Variants in DIP2C observed in about 807,000 individuals in gnomAD.
DIP2C encodes the protein disco-interacting protein 2 homolog C.
Under a neutral mutation model 192.4 loss-of-function variants are expected in DIP2C, and 33 were observed. The observed-to-expected ratio is 0.17, with a 90% confidence interval of 0.13 to 0.23. The LOEUF is 0.23. DIP2C is among the 10% of genes least tolerant of loss of function. The pLI, the probability that DIP2C is intolerant of heterozygous loss-of-function variation, is 1.00. For missense variants in DIP2C, 1,537 were observed against 2,110.1 expected, an observed-to-expected ratio of 0.73 and a Z score of 5.32; for synonymous variants, 979 against 864.1, an observed-to-expected ratio of 1.13 and a Z score of -2.33.
chr10:570,725 T>C (rs1177278902), intron 1 of DIP2C, among the ~76,000 whole-genome samples: 1 of 152,202 alleles, frequency 6.6e-6, no homozygotes, highest in Non-Finnish European at 1.5e-5. Context: ...GGAGGAAGCT[T>C]TGTAGATAAG....
intron 36 of DIP2C, among the ~76,000 whole-genome samples, chr10:278,417 CTTCTCCTG>C (rs1217928331): frequency 6.6e-6 from 1 of 151,980 alleles, no homozygotes; most frequent in Non-Finnish European, 1.5e-5. Context: ...GATATGGGGG[CTTCTCCTG>C]GCGTGCCTGT....
At chr10:373,570 G>A (rs1961233983) in intron 17 of DIP2C, among the ~76,000 whole-genome samples, 1 of 152,096 alleles carries the variant, frequency 6.6e-6, no homozygotes, top group Non-Finnish European at 1.5e-5. Context: ...AAAACCCCTT[G>A]TGGTCTTTGG....
At chr10:307,922 G>A (rs2132307907) in intron 32 of DIP2C, among the ~76,000 whole-genome samples, 1 of 150,402 alleles carries the variant, frequency 6.6e-6, no homozygotes, top group South Asian at 2.1e-4. Context: ...GCAGCAGGGA[G>A]GCTTTGGGGG....
chr10:406,869 G>A (rs1305676522), intron 9 of DIP2C, among the ~76,000 whole-genome samples: 1 of 152,032 alleles, frequency 6.6e-6, no homozygotes, highest in East Asian at 1.9e-4. Context: ...GCACTGGATG[G>A]AGCAGCTGAC....
At chr10:467,211 A>T (rs1172634862) in intron 3 of DIP2C, among the ~76,000 whole-genome samples, 2 of 152,196 alleles carry the variant, frequency 1.3e-5, no homozygotes, top group East Asian at 3.9e-4. Flanking sequence ...CCATAAAATG[A>T]TGAGTTCATG....
intron 29 of DIP2C, among the ~76,000 whole-genome samples, chr10:333,788 G>A (rs192959791): frequency 3.4e-4 from 52 of 152,284 alleles, no homozygotes; most frequent in African/African-American, 1.2e-3. Context: ...TGTAAGTTTT[G>A]AAGTCAGAAA....
At chr10:443,528 A>T (rs1045624768) in intron 3 of DIP2C, among the ~76,000 whole-genome samples, 24 of 152,108 alleles carry the variant, frequency 1.6e-4, no homozygotes, top group African/African-American at 5.8e-4. Context: ...GCTGCTGGGC[A>T]CTGCCAGCAA....
chr10:284,722 G>A (rs1224141097), intron 34 of DIP2C, among the ~76,000 whole-genome samples: 1 of 152,134 alleles, frequency 6.6e-6, no homozygotes, highest in Non-Finnish European at 1.5e-5. Flanking sequence ...TTTGATAACA[G>A]AATAGATCCT....
chr10:612,791 A>G (rs1853184868), intron 1 of DIP2C, among the ~76,000 whole-genome samples: 1 of 152,236 alleles, frequency 6.6e-6, no homozygotes, highest in Non-Finnish European at 1.5e-5. Flanking sequence ...GTCTCAAGAA[A>G]TGAGACAAAT....
intron 1 of DIP2C, among the ~76,000 whole-genome samples, chr10:555,425 A>G (rs957232601): frequency 3.9e-5 from 6 of 152,206 alleles, no homozygotes; most frequent in African/African-American, 1.4e-4. Flanking sequence ...GCTGGCTACT[A>G]TGACAGAGCA....
intron 1 of DIP2C, among the ~76,000 whole-genome samples, chr10:499,329 C>G (rs553586119): frequency 4.3e-4 from 63 of 147,718 alleles, no homozygotes; most frequent in African/African-American, 1.4e-3. Flanking sequence ...TGGGCTCCCC[C>G]TCTGTGGACC....
intron 31 of DIP2C, among the ~76,000 whole-genome samples, chr10:319,059 C>T (rs528901391): frequency 6.6e-6 from 1 of 152,048 alleles, no homozygotes; most frequent in South Asian, 2.1e-4. Context: ...ATTACAGATG[C>T]GTGCCAATGA....
chr10:644,192 C>A (rs923816170), intron 1 of DIP2C, among the ~76,000 whole-genome samples: 1 of 152,240 alleles, frequency 6.6e-6, no homozygotes, highest in African/African-American at 2.4e-5. Flanking sequence ...CTCAGGAGAA[C>A]AGAGAATGTG....
In DIP2C at chr10:639,264, G is replaced by A. The variant is rs117116238; in HGVS notation, c.85+50230C>T. On this transcript the variant is annotated intron_variant, in intron 1 of 36. Coordinates refer to ENST00000280886, the MANE Select transcript of DIP2C (RefSeq NM_014974.3). ...CGCGTCAGGTCGGGGGGTGCTGCCC[G>A]GCTCACGGTCCACACGTGGGGACGC... 3.3e-4 allele frequency among the ~76,000 whole-genome samples: 44 copies of A among 132,602 alleles called. No individual in the cohort carries two copies. The East Asian group carries it at 5.2e-3, about 16-fold the overall frequency. The allele number at this position is 132,602 out of a possible 152,430, so 87.0% of individuals were successfully genotyped here. A position where few individuals can be genotyped will look rare whatever the true frequency, so the allele number is the denominator to read the frequency against.
intron 1 of DIP2C, chr10:649,801 A>G (rs1588675607): frequency 2.4e-6 from 1 of 414,480 alleles, no homozygotes; most frequent in Non-Finnish European, 4.4e-6. Flanking sequence ...CCTACATAAA[A>G]GACAGGGTCT....
chr10:682,174 G>A (rs1394766808), intron 1 of DIP2C, among the ~76,000 whole-genome samples: 2 of 152,222 alleles, frequency 1.3e-5, no homozygotes, highest in Non-Finnish European at 2.9e-5. Context: ...GGAGGACAAA[G>A]GCCAGGGCTT....
At chr10:576,275 A>C (rs58905045) in intron 1 of DIP2C, among the ~76,000 whole-genome samples, 115 of 152,224 alleles carry the variant, frequency 7.6e-4, no homozygotes, top group African/African-American at 2.5e-3. Flanking sequence ...CCAAAGCAAC[A>C]CTGCGAGGCA....
chr10:578,216 A>G (rs138692337), intron 1 of DIP2C, among the ~76,000 whole-genome samples: 3 of 152,348 alleles, frequency 2.0e-5, no homozygotes, highest in African/African-American at 7.2e-5. Flanking sequence ...CAACGTTAAC[A>G]AAGAAGATAC....
At chr10:482,035 G>A (rs566560453) in intron 2 of DIP2C, among the ~76,000 whole-genome samples, 2 of 152,318 alleles carry the variant, frequency 1.3e-5, no homozygotes, top group South Asian at 2.1e-4. Flanking sequence ...GAGACAGGAC[G>A]ACATGGAGAT....
Sources: gnomAD v4.1 joint callset for allele counts (sites outside exome capture counted in the v4.1 genomes callset) on GRCh38, gnomAD v4.1.1 for gene constraint, MANE v1.5 for transcripts, NCBI Gene and HGNC (gene_info 2026-07-23, HGNC 2026-07-21) for gene names.